Variants in CHPT1 observed in about 807,000 individuals in gnomAD.
The protein encoded by CHPT1 is cholinephosphotransferase 1.
A neutral mutation model predicts 47.6 loss-of-function variants in CHPT1; 36 were observed. The observed-to-expected ratio is 0.76, with a 90% CI of 0.58 to 1.00. The LOEUF (loss-of-function observed/expected upper bound fraction) is 1.00, where lower values mean the gene tolerates loss of function less well. Ranked by LOEUF, CHPT1 falls within the 50% of genes least tolerant of loss-of-function variation. The pLI, the probability that CHPT1 is intolerant of heterozygous loss-of-function variation, is 0.00. For missense variants in CHPT1, 458 were observed against 498.1 expected (o/e 0.92, Z 0.77); for synonymous variants, 194 against 186.3 (o/e 1.04, Z -0.33).
rs78111712 is a variant in CHPT1, at chr12:101,701,738, A to G, written c.273+3604A>G. 1.5e-3 allele frequency among the ~76,000 whole-genome samples: 226 copies of G among 152,270 alleles called. 1 individual carries two copies. The highest frequency in any genetic ancestry group is 3.1e-3 in the South Asian group (15 of 4,824). ...TAATCTCTATAGCACAGTGCTTTAC[A>G]TCAAACAGATGCTTATAATTTTGCA... is the stretch of plus-strand genomic sequence containing the variant. On this transcript the variant is annotated intron_variant, in intron 1 of 8. Transcript: ENST00000229266.
chr12:101,711,314 A>G (rs1951698849), intron 1 of CHPT1, among the ~76,000 whole-genome samples: 1 of 148,886 alleles, frequency 6.7e-6, no homozygotes, highest in Non-Finnish European at 1.5e-5. Context: ...ATGGATAAAG[A>G]AACTGTAGTA....
At chr12:101,698,245 G>A (rs1951495068) in intron 1 of CHPT1, 111 bp downstream of exon 1, 1 of 1,335,766 alleles carries the variant, frequency 7.5e-7, no homozygotes, top group Non-Finnish European at 9.5e-7. Context: ...CCGGGCCCCG[G>A]AGGGGCGGAC....
intron 4 of CHPT1, among the ~76,000 whole-genome samples, chr12:101,717,080 CA>C (rs954911615): frequency 6.6e-6 from 1 of 151,222 alleles, no homozygotes; most frequent in Non-Finnish European, 1.5e-5. Context: ...CTAAATAAAA[CA>C]AAAACAACAA....
chr12:101,705,934 C>T (rs1224141550), intron 1 of CHPT1, among the ~76,000 whole-genome samples: 4 of 151,698 alleles, frequency 2.6e-5, no homozygotes, highest in Admixed American at 6.6e-5. Flanking sequence ...CTATGTTGGC[C>T]AGGCTGGTCT....
At chr12:101,727,290 A>AAAAGTT (rs1951977152) in intron 8 of CHPT1, 1 of 152,196 alleles carries the variant, frequency 6.6e-6, no homozygotes, top group Non-Finnish European at 1.5e-5. Context: ...TAAAATAAGT[A>AAAAGTT]AAAGTTATTC....
At chr12:101,727,222 T>C (rs1951973351) in intron 8 of CHPT1, 1 of 152,142 alleles carries the variant, frequency 6.6e-6, no homozygotes, top group Non-Finnish European at 1.5e-5. Context: ...AAAATCTTCC[T>C]TTTAGAATAC....
chr12:101,719,244 A>C (rs914097539), intron 4 of CHPT1, among the ~76,000 whole-genome samples: 1 of 152,008 alleles, frequency 6.6e-6, no homozygotes, highest in Non-Finnish European at 1.5e-5. Context: ...GGTTGTCTTA[A>C]ATTTGGAATT....
intron 1 of CHPT1, among the ~76,000 whole-genome samples, chr12:101,707,937 G>A (rs1314222026): frequency 1.3e-5 from 2 of 152,190 alleles, no homozygotes; most frequent in Non-Finnish European, 2.9e-5. Context: ...TCCAGAGAAT[G>A]CAGAGAGCAT....
intron 1 of CHPT1, among the ~76,000 whole-genome samples, chr12:101,698,625 G>A (rs1365254197): frequency 6.6e-6 from 1 of 152,170 alleles, no homozygotes; most frequent in Admixed American, 6.5e-5. Flanking sequence ...TGAAATGACC[G>A]GTAGCACTGA....
intron 7 of CHPT1, among the ~76,000 whole-genome samples, chr12:101,725,647 C>T (rs1951931633): frequency 6.7e-6 from 1 of 149,822 alleles, no homozygotes; most frequent in South Asian, 2.1e-4. Context: ...AAAAGCCACA[C>T]ACACAATGTG....
chr12:101,707,186 A>G (rs1258103276), intron 1 of CHPT1, among the ~76,000 whole-genome samples: 1 of 152,172 alleles, frequency 6.6e-6, no homozygotes, highest in African/African-American at 2.4e-5. Flanking sequence ...CAGTCCTTGA[A>G]GGAGGGGGCA....
chr12:101,725,476 C>G (rs1951928160), intron 7 of CHPT1, among the ~76,000 whole-genome samples: 1 of 151,738 alleles, frequency 6.6e-6, no homozygotes, highest in South Asian at 2.1e-4. Context: ...TATGTATTAC[C>G]AAGTGGAATT....
intron 1 of CHPT1, among the ~76,000 whole-genome samples, chr12:101,705,544 A>G (rs1271395363): frequency 1.7e-5 from 1 of 58,258 alleles, no homozygotes; most frequent in Non-Finnish European, 3.2e-5. Flanking sequence ...TTTACATGTG[A>G]TAAGTCATTT....
At chr12:101,706,859 A>T (rs1951642255) in intron 1 of CHPT1, among the ~76,000 whole-genome samples, 1 of 152,214 alleles carries the variant, frequency 6.6e-6, no homozygotes, top group Non-Finnish European at 1.5e-5. Flanking sequence ...TGCTTTTTAA[A>T]TTTGTTCTGC....
intron 1 of CHPT1, among the ~76,000 whole-genome samples, chr12:101,713,520 G>A (rs1316884701): frequency 6.6e-6 from 1 of 152,156 alleles, no homozygotes; most frequent in African/African-American, 2.4e-5. Flanking sequence ...CCTGGAAACT[G>A]ACTCTGGGAA....
rs567572812 is a variant in CHPT1, at chr12:101,708,227, A to G, written c.274-5863A>G. Among the ~76,000 whole-genome samples the G allele has an allele frequency of 2.6e-5, 4 of 152,354 alleles. No homozygotes were observed. The East Asian group carries it at 7.7e-4, about 29-fold the overall frequency. On this transcript the variant is annotated intron_variant, in intron 1 of 8. Transcript: ENST00000229266. Reference sequence around the variant, plus strand: ...TTTATCTAATCCTGTAATGAATAGAATCCTATGAATAATTCAAATAACTAG... The same window carrying G: ...TTTATCTAATCCTGTAATGAATAGAGTCCTATGAATAATTCAAATAACTAG...
Position 101,697,765 on chromosome 12 carries a change from G to C in CHPT1, c.-97G>C, listed in dbSNP as rs1386876067. ...GACCGGTGAGTCCAGCCCGGCAGTC[G>C]CAGGACCCGGCCGCCAGCCTCTCCC... On this transcript the variant is annotated 5_prime_UTR_variant, in exon 1 of 9. Coordinates refer to ENST00000229266, the MANE Select transcript of CHPT1 (RefSeq NM_020244.3). 1 of 346,138 alleles carries C rather than the reference G, an allele frequency of 2.9e-6. No homozygotes were observed. The highest frequency in any genetic ancestry group is 2.2e-5 in the African/African-American group (1 of 44,760). The allele number at this position is 346,138 out of a possible 1,614,324, so 21.4% of individuals were successfully genotyped here. A position where few individuals can be genotyped will look rare whatever the true frequency, so the allele number is the denominator to read the frequency against.
intron 4 of CHPT1, among the ~76,000 whole-genome samples, chr12:101,718,328 G>A (rs1951795033): frequency 6.6e-6 from 1 of 152,144 alleles, no homozygotes; most frequent in African/African-American, 2.4e-5. Flanking sequence ...AACGTACCAC[G>A]CTGGTGTAGG....
chr12:101,722,708 A>T (rs79690679), intron 5 of CHPT1, among the ~76,000 whole-genome samples: 159 of 40,244 alleles, frequency 4.0e-3, no homozygotes, highest in Admixed American at 0.011. Flanking sequence ...ACAAAAAATT[A>T]AAAAAAAAAA....
Sources: gnomAD v4.1 joint callset for allele counts (sites outside exome capture counted in the v4.1 genomes callset) on GRCh38, gnomAD v4.1.1 for gene constraint, MANE v1.5 for transcripts, NCBI Gene and HGNC (gene_info 2026-07-23, HGNC 2026-07-21) for gene names.